Variants in FAT3 observed in about 807,000 individuals in gnomAD.
FAT3 encodes the protein protocadherin Fat 3.
Under a neutral mutation model 310.2 loss-of-function variants are expected in FAT3, and 95 were observed. That is an observed-to-expected ratio of 0.31 (90% CI 0.26 to 0.36). The LOEUF is 0.36. FAT3 is among the 10% of genes least tolerant of loss of function. The probability of loss-of-function intolerance (pLI) is 1.00; values close to 1 mark genes in which losing one functional copy is unlikely to be tolerated. For synonymous variants in FAT3, 2,314 were observed against 2,192.9 expected (o/e 1.06, Z -1.54); for missense variants, 5,408 against 5,715.6 (o/e 0.95, Z 1.74).
At chr11:92,634,344 A>G (rs1792344) in intron 3 of FAT3, among the ~76,000 whole-genome samples, 43,768 of 151,918 alleles carry the variant, frequency 0.29, 6,657 homozygotes, top group Non-Finnish European at 0.33. Context: ...CAGTAGAAAA[A>G]TTTGTATTGT....
At chr11:92,271,353 G>A (rs1946117519) in intron 1 of FAT3, among the ~76,000 whole-genome samples, 1 of 151,996 alleles carries the variant, frequency 6.6e-6, no homozygotes, top group Non-Finnish European at 1.5e-5. Context: ...TGTCCTTCAT[G>A]TCTTCCCTCT....
intron 1 of FAT3, among the ~76,000 whole-genome samples, chr11:92,300,425 A>G (rs1035942570): frequency 1.3e-5 from 2 of 152,082 alleles, no homozygotes; most frequent in African/African-American, 4.8e-5. Flanking sequence ...TGTCTTACAC[A>G]CTTTTGTAAC....
rs779926818 is a variant in FAT3 at position 92,880,880 on chromosome 11, G to A, written c.12277G>A (p.Val4093Ile). The change falls in exon 23 of 28, where the codon GTC becomes ATC. Residue 4093 changes from valine (V) to isoleucine (I), a missense_variant. Val to Ile is a conservative substitution (Grantham distance 29). Transcript: ENST00000525166. The part of the protein sequence containing the change: ...ICNCKAGLTG[V>I]TCEEDINECE... ...CAATTGTAAAGCTGGGCTCACTGGA[G>A]TCACGTAAGTGAGATTACATAAGTG... is the stretch of plus-strand genomic sequence containing the variant. 1.2e-6 allele frequency: 2 copies of A among 1,613,516 alleles called. No individual in the cohort carries two copies. Among genetic ancestry groups the A allele is most frequent in the Admixed American group, 1.7e-5 (1 of 59,996 alleles).
At chr11:92,369,859 A>C (rs1158239808) in intron 2 of FAT3, among the ~76,000 whole-genome samples, 2 of 150,256 alleles carry the variant, frequency 1.3e-5, no homozygotes, top group African/African-American at 5.0e-5. Flanking sequence ...ACAAAAAACA[A>C]ACAAAAAAAA....
At position 92,798,478 on chromosome 11, in the gene FAT3, A is replaced by G; in HGVS notation, c.5465A>G (p.Lys1822Arg). 6.2e-7 allele frequency: 1 copy of G among 1,613,724 alleles called. No individual in the cohort carries two copies. Among genetic ancestry groups the G allele is most frequent in the Non-Finnish European group, 8.5e-7 (1 of 1,179,840 alleles). ...CAGATTGTGGAGTCAACAGCAAAAA[A>G]GTTTTTCACGGTGGACTCCAGTACA... Reference protein sequence around the residue: ...VYQIVESTAKKFFTVDSSTGA... With the variant: ...VYQIVESTAKRFFTVDSSTGA... Residue 1822 changes from lysine to arginine, a missense_variant, in exon 10 of 28, where the codon AAG becomes AGG. This residue lies in a region of FAT3 where 4,588 missense variants were observed against 4,809.8 expected (regional missense o/e 0.95). Coordinates refer to ENST00000525166, the MANE Select transcript of FAT3 (RefSeq NM_001367949.2).
chr11:92,286,048 C>T (rs75349570), intron 1 of FAT3, among the ~76,000 whole-genome samples: 3,574 of 152,132 alleles, frequency 0.023, 148 homozygotes, highest in African/African-American at 0.08. Flanking sequence ...CTTAAAACAG[C>T]GTGACTCCCT....
chr11:92,803,282 AG>A lies in FAT3; in HGVS notation c.8896+1374del, dbSNP rs1947415804. Among the ~76,000 whole-genome samples, 4 of 152,358 alleles carry A rather than the reference AG, an allele frequency of 2.6e-5. No homozygotes were observed. The South Asian group carries it at 8.3e-4, about 32-fold the overall frequency. On this transcript the variant is annotated intron_variant, in intron 10 of 27. Coordinates refer to ENST00000525166, the MANE Select transcript of FAT3 (RefSeq NM_001367949.2). ...GACTTTACCAAAGTAATGAGTACAG[AG>A]TAGCTTAAAGCTACTGTTACTATTA...
chr11:92,706,711 A>G (rs1294505830), intron 4 of FAT3, among the ~76,000 whole-genome samples: 3 of 152,210 alleles, frequency 2.0e-5, no homozygotes, highest in Admixed American at 2.0e-4. Flanking sequence ...AGTAATTCAC[A>G]TATTTTGTGG....
At chr11:92,453,059 C>G (rs1951402550) in intron 2 of FAT3, among the ~76,000 whole-genome samples, 1 of 152,130 alleles carries the variant, frequency 6.6e-6, no homozygotes, top group Non-Finnish European at 1.5e-5. Flanking sequence ...CAGGTGTGAC[C>G]CTCTACACCT....
chr11:92,385,650 C>T (rs958656828), intron 2 of FAT3, among the ~76,000 whole-genome samples: 1 of 151,982 alleles, frequency 6.6e-6, no homozygotes, highest in Non-Finnish European at 1.5e-5. Flanking sequence ...TTATAGACAT[C>T]AGCCACTGCG....
chr11:92,881,305 A>C (rs1429834514), intron 23 of FAT3, among the ~76,000 whole-genome samples: 2 of 152,152 alleles, frequency 1.3e-5, no homozygotes, highest in Non-Finnish European at 2.9e-5. Flanking sequence ...TCCCTTTGCA[A>C]ACCTTTCTTT....
At chr11:92,846,298 G>A (rs1255347481) in intron 19 of FAT3, among the ~76,000 whole-genome samples, 1 of 152,138 alleles carries the variant, frequency 6.6e-6, no homozygotes. Flanking sequence ...AGGCAGCAAT[G>A]TCCTAGGCAC....
intron 4 of FAT3, among the ~76,000 whole-genome samples, chr11:92,701,899 T>A (rs550591389): frequency 1.3e-4 from 20 of 152,302 alleles, no homozygotes; most frequent in Admixed American, 1.3e-3. Context: ...GTTTTTGGTT[T>A]TCTTTCCTTG....
intron 14 of FAT3, among the ~76,000 whole-genome samples, chr11:92,834,019 G>T (rs1948334011): frequency 6.6e-6 from 1 of 152,176 alleles, no homozygotes; most frequent in East Asian, 1.9e-4. Flanking sequence ...AATGTGAATG[G>T]TCATGACCTT....
intron 3 of FAT3, among the ~76,000 whole-genome samples, chr11:92,602,228 C>G (rs1175492503): frequency 6.6e-6 from 1 of 151,982 alleles, no homozygotes; most frequent in African/African-American, 2.4e-5. Context: ...TGTCTGCCAC[C>G]ACGCCCGGCT....
At chr11:92,587,225 G>A (rs1272885482) in intron 3 of FAT3, among the ~76,000 whole-genome samples, 2 of 151,794 alleles carry the variant, frequency 1.3e-5, no homozygotes, top group Non-Finnish European at 2.9e-5. Context: ...CAGAAACCTC[G>A]ATCTATAGAA....
In FAT3 at chr11:92,412,746, A is replaced by ATACACATATATATAT. The variant is rs1591252852; in HGVS notation, c.3292+57342_3292+57343insTACACATATATATAT. 5.6e-3 allele frequency among the ~76,000 whole-genome samples: 101 copies of ATACACATATATATAT among 18,072 alleles called. 13 individuals carry two copies. The highest frequency in any genetic ancestry group is 0.013 in the African/African-American group (65 of 5,116). 11.9% of individuals were successfully genotyped at this position (18,072 alleles called of 152,430 possible). On this transcript the variant is annotated intron_variant, in intron 2 of 27. Coordinates refer to ENST00000525166, the MANE Select transcript of FAT3 (RefSeq NM_001367949.2). The stretch of plus-strand genomic sequence containing the variant: ...ATATATATATATATATATATATATA[A>ATACACATATATATAT]ATATACATACATATATATATATTTA...
intron 1 of FAT3, among the ~76,000 whole-genome samples, chr11:92,291,076 A>G (rs1444602132): frequency 1.3e-5 from 1 of 79,384 alleles, no homozygotes; most frequent in East Asian, 4.4e-4. Flanking sequence ...AATGCTTTTT[A>G]TTCTACACAC....
chr11:92,766,333 G>A (rs914345128), intron 6 of FAT3, among the ~76,000 whole-genome samples: 9 of 152,198 alleles, frequency 5.9e-5, no homozygotes, highest in African/African-American at 2.2e-4. Flanking sequence ...GCTTCTCTGT[G>A]GGAGGCAGGG....
Sources: allele counts gnomAD v4.1 joint callset (sites outside exome capture counted in the v4.1 genomes callset), GRCh38; gene constraint gnomAD v4.1.1; regional missense constraint gnomAD v4.1.1; transcripts MANE v1.5; gene names NCBI Gene and HGNC (gene_info 2026-07-23, HGNC 2026-07-21).